Variants in FHAD1 observed in about 807,000 individuals in gnomAD.
FHAD1 encodes forkhead associated phosphopeptide binding domain 1.
Under a neutral mutation model 191.3 loss-of-function variants are expected in FHAD1, and 146 were observed. The observed-to-expected ratio is 0.76, with a 90% confidence interval of 0.67 to 0.88. The LOEUF is 0.88. Among genes scored for constraint, FHAD1 ranks in the 40% least tolerant of loss-of-function variants. The pLI, the probability that FHAD1 is intolerant of heterozygous loss-of-function variation, is 0.00. For synonymous variants in FHAD1, 616 were observed against 672.3 expected (o/e 0.92, Z 1.29); for missense variants, 1,635 against 1,785.8 (o/e 0.92, Z 1.52).
Position 15,367,588 on chromosome 1 carries a change from G to T in FHAD1, c.3280G>T (p.Asp1094Tyr), listed in dbSNP as rs906322131. The change falls in exon 25 of 34, where the codon GAT becomes TAT. Residue 1094 changes from aspartate (D) to tyrosine (Y), a missense_variant. Coordinates refer to ENST00000688493, the MANE Select transcript of FHAD1 (RefSeq NM_001391957.1). ...AQMSSLVEKK[D>Y]RELKALEEAL... The stretch of plus-strand genomic sequence containing the variant: ...GATGAGCAGCCTGGTAGAAAAGAAA[G>T]ATCGGGAGCTGAAGGCCCTTGAGGA... 80 of 1,411,996 alleles carry T rather than the reference G, an allele frequency of 5.7e-5. No homozygotes were observed. Among genetic ancestry groups the T allele is most frequent in the Non-Finnish European group, 7.1e-5 (75 of 1,060,468 alleles). 87.5% of individuals were successfully genotyped at this position (1,411,996 alleles called of 1,614,324 possible).
At chr1:15,314,556 A>C (rs548191486) in intron 8 of FHAD1, 7 of 152,022 alleles carry the variant, frequency 4.6e-5, no homozygotes, top group African/African-American at 1.2e-4. Flanking sequence ...CCGTCCCCCG[A>C]GCAGGGTCAC....
At chr1:15,326,271 G>C in intron 11 of FHAD1, 1 of 152,248 alleles carries the variant, frequency 6.6e-6, no homozygotes, top group East Asian at 1.9e-4. Flanking sequence ...ACTCACGCCA[G>C]GGGCTGCCAT....
At chr1:15,294,522 T>A (rs1666276579) in intron 4 of FHAD1, among the ~76,000 whole-genome samples, 1 of 152,120 alleles carries the variant, frequency 6.6e-6, no homozygotes, top group African/African-American at 2.4e-5. Context: ...GCCTCCCAAG[T>A]AGCTAGGATT....
At position 15,301,353 on chromosome 1, in the gene FHAD1, A is replaced by G; in HGVS notation, c.827A>G (p.Gln276Arg). The change falls in exon 6 of 34, where the codon CAG (glutamine) becomes CGG (arginine). Residue 276 changes from glutamine (Q) to arginine (R), a missense_variant. Physicochemically the swap from Gln to Arg is conservative, Grantham distance 43 (BLOSUM62 1). Transcript: ENST00000688493. Reference sequence around the variant, plus strand: ...GTGTCAGAGACCACCACCTCCAGGCAGAATGAGAAGGAGATCTCGCAGAAG... The same window carrying G: ...GTGTCAGAGACCACCACCTCCAGGCGGAATGAGAAGGAGATCTCGCAGAAG... Reference protein sequence around the residue: ...QKVSETTTSRQNEKEISQKCQ... With the variant: ...QKVSETTTSRRNEKEISQKCQ... 6.4e-7 allele frequency: 1 copy of G among 1,551,798 alleles called. No individual in the cohort carries two copies.
At position 15,397,473 on chromosome 1, in the gene FHAD1, G is replaced by A; in HGVS notation, c.*60G>A. On this transcript the variant is annotated 3_prime_UTR_variant, in exon 34 of 34. Transcript: ENST00000688493. Reference sequence around the variant, plus strand: ...CTGTGAGTTCATGTGACTCTTCTGTGTCATCTGTGTCAAAATACTGAGTTG... The same window carrying A: ...CTGTGAGTTCATGTGACTCTTCTGTATCATCTGTGTCAAAATACTGAGTTG... The A allele has an allele frequency of 1.3e-6, 1 of 757,838 alleles. No homozygotes were observed. Among genetic ancestry groups the A allele is most frequent in the African/African-American group, 1.8e-5 (1 of 56,662 alleles). The allele number at this position is 757,838 out of a possible 1,614,324, so 46.9% of individuals were successfully genotyped here.
At chr1:15,372,543 G>A (rs914534439) in intron 26 of FHAD1, among the ~76,000 whole-genome samples, 2 of 152,198 alleles carry the variant, frequency 1.3e-5, no homozygotes, top group South Asian at 2.1e-4. Context: ...TGGTCTGCCT[G>A]CTCCCTGATC....
intron 7 of FHAD1, among the ~76,000 whole-genome samples, chr1:15,309,628 C>T (rs1230278315): frequency 7.9e-5 from 12 of 151,898 alleles, no homozygotes; most frequent in Non-Finnish European, 1.0e-4. Flanking sequence ...AGGCTCGACA[C>T]AAATTCCTCA....
At chr1:15,376,251 G>A (rs916884760) in intron 28 of FHAD1, among the ~76,000 whole-genome samples, 26 of 151,704 alleles carry the variant, frequency 1.7e-4, no homozygotes, top group Admixed American at 6.6e-4. Context: ...CACCACACCC[G>A]GCTAATTTTT....
chr1:15,362,901 T>C (rs1005421324), intron 23 of FHAD1, among the ~76,000 whole-genome samples, 175 bp downstream of exon 23: 1 of 151,878 alleles, frequency 6.6e-6, no homozygotes, highest in African/African-American at 2.4e-5. Context: ...CAGACCACAT[T>C]GTCAGAAGCC....
At chr1:15,393,038 G>C (rs1297486956) in intron 33 of FHAD1, 1 of 151,846 alleles carries the variant, frequency 6.6e-6, no homozygotes, top group Non-Finnish European at 1.5e-5. Flanking sequence ...CTCAGTGGGG[G>C]CAGCATCACC....
intron 32 of FHAD1, 56 bp from the exon 33 acceptor site, chr1:15,391,154 C>A: frequency 9.7e-7 from 1 of 1,030,690 alleles, no homozygotes; most frequent in Non-Finnish European, 1.3e-6. Context: ...TTCTTTGATG[C>A]AAAAGGCAAA....
At chr1:15,279,539 C>T (rs1659735769) in intron 3 of FHAD1, among the ~76,000 whole-genome samples, 1 of 137,770 alleles carries the variant, frequency 7.3e-6, no homozygotes, top group African/African-American at 2.8e-5. Context: ...ATTAAACTTT[C>T]CGATCCTTAA....
chr1:15,276,534 C>G lies in FHAD1; in HGVS notation c.300+4005C>G, dbSNP rs775539531. On this transcript the variant is annotated intron_variant, in intron 3 of 33. Coordinates refer to ENST00000688493, the MANE Select transcript of FHAD1 (RefSeq NM_001391957.1). This position sits in a 1 kb window ranked among gnomAD's most constrained non-coding sequence, Gnocchi z 4.7. ...ATAGCCTAGGGGCCGGGCGTGGTGA[C>G]TCATGCCTGTAATCCCAGCACTTTG... Among the ~76,000 whole-genome samples, 5 of 152,158 alleles carry G rather than the reference C, an allele frequency of 3.3e-5. No homozygotes were observed. Among genetic ancestry groups the G allele is most frequent in the Non-Finnish European group, 7.4e-5 (5 of 68,016 alleles).
intron 16 of FHAD1, among the ~76,000 whole-genome samples, chr1:15,343,399 A>T (rs992842050): frequency 6.8e-6 from 1 of 147,830 alleles, no homozygotes; most frequent in African/African-American, 2.5e-5. Flanking sequence ...CCGGACCCCA[A>T]CTCTTCCCAG....
rs78624966 is a variant in FHAD1, at chr1:15,249,084, G to C, written c.-15+1689G>C. 6.3e-3 allele frequency among the ~76,000 whole-genome samples: 958 copies of C among 152,242 alleles called. 47 individuals are homozygous for C. The East Asian group carries it at 0.1, about 16-fold the overall frequency. ...GTTTAACAAAAACAACACAGTTTGG[G>C]CTCTCTTGGAACGTATCTCAGTGAA... On this transcript the variant is annotated intron_variant, in intron 1 of 33. Coordinates refer to ENST00000688493, the MANE Select transcript of FHAD1 (RefSeq NM_001391957.1).
intron 31 of FHAD1, among the ~76,000 whole-genome samples, chr1:15,386,343 C>T (rs1430919731): frequency 3.9e-5 from 6 of 152,214 alleles, no homozygotes; most frequent in African/African-American, 1.4e-4. Flanking sequence ...GACTTTTTCC[C>T]GGGTCCTCCT....
chr1:15,355,152 T>C (rs1692283178), intron 20 of FHAD1, among the ~76,000 whole-genome samples: 1 of 150,160 alleles, frequency 6.7e-6, no homozygotes, highest in African/African-American at 2.5e-5. Context: ...GAGGTTGCAA[T>C]GAGTCAAGGT....
chr1:15,271,787 G>A (rs1158759424), intron 2 of FHAD1, among the ~76,000 whole-genome samples: 1 of 152,094 alleles, frequency 6.6e-6, no homozygotes, highest in African/African-American at 2.4e-5. Flanking sequence ...CACTGGTGAG[G>A]GTGGGATTAT....
chr1:15,388,723 C>T (rs1426564150), intron 32 of FHAD1, among the ~76,000 whole-genome samples: 2 of 152,176 alleles, frequency 1.3e-5, no homozygotes, highest in Admixed American at 6.5e-5. Context: ...GGGAAACCAA[C>T]TTGGTCACAG....
Sources: gnomAD v4.1 joint callset for allele counts (sites outside exome capture counted in the v4.1 genomes callset) on GRCh38, gnomAD v4.1.1 for gene constraint, Gnocchi (gnomAD v3.1) non-coding constraint, MANE v1.5 for transcripts, NCBI Gene and HGNC (gene_info 2026-07-23, HGNC 2026-07-21) for gene names.